The following NLGN1 variants were observed in gnomAD, a reference collection of about 807,000 sequenced individuals.
NLGN1 encodes the protein neuroligin 1.
Under a neutral mutation model 65.5 loss-of-function variants are expected in NLGN1, and 12 were observed. That is an observed-to-expected ratio of 0.18 (90% CI 0.12 to 0.30). NLGN1 has a LOEUF of 0.30. NLGN1 is among the 10% of genes least tolerant of loss of function. The pLI is 1.00. For synonymous variants in NLGN1, 350 were observed against 359.5 expected (o/e 0.97, Z 0.30); for missense variants, 750 against 1,007.1 (o/e 0.74, Z 3.46).
chr3:173,620,227 A>C (rs1231089161), intron 3 of NLGN1, among the ~76,000 whole-genome samples: 4 of 152,184 alleles, frequency 2.6e-5, no homozygotes, highest in Non-Finnish European at 4.4e-5. Flanking sequence ...GTGACAATGA[A>C]GGCCTTACCC....
intron 3 of NLGN1, among the ~76,000 whole-genome samples, chr3:173,635,422 T>C (rs2149561796): frequency 6.6e-6 from 1 of 152,298 alleles, no homozygotes; most frequent in East Asian, 1.9e-4. Context: ...AGTTGAGCCG[T>C]ATCTCTATTT....
chr3:173,964,857 G>A (rs1361807926), intron 4 of NLGN1, among the ~76,000 whole-genome samples: 2 of 152,110 alleles, frequency 1.3e-5, no homozygotes, highest in African/African-American at 2.4e-5. Context: ...TTTCAGGTAC[G>A]AGTACATGAG....
intron 2 of NLGN1, among the ~76,000 whole-genome samples, chr3:173,500,521 T>G (rs499174): frequency 0.17 from 26,095 of 151,926 alleles, 2,325 homozygotes; most frequent in South Asian, 0.22. Context: ...CTCTTTTTTT[T>G]GTGTGTCTGT....
At chr3:173,919,689 T>C (rs893024148) in intron 4 of NLGN1, among the ~76,000 whole-genome samples, 4 of 152,168 alleles carry the variant, frequency 2.6e-5, no homozygotes, top group Non-Finnish European at 5.9e-5. Flanking sequence ...ATAAAATATT[T>C]AAGGATTTCT....
chr3:174,012,053 G>A (rs986918625), intron 4 of NLGN1, among the ~76,000 whole-genome samples: 2 of 152,136 alleles, frequency 1.3e-5, no homozygotes, highest in African/African-American at 4.8e-5. Context: ...CTCCCAAGGA[G>A]CAGTCTAATG....
intron 4 of NLGN1, among the ~76,000 whole-genome samples, chr3:173,997,285 C>T (rs115498803): frequency 0.011 from 1,616 of 152,150 alleles, 27 homozygotes; most frequent in African/African-American, 0.035. Context: ...GTTCCCACCA[C>T]ACCCATTCTA....
chr3:173,438,406 G>A (rs1439554091), intron 2 of NLGN1, among the ~76,000 whole-genome samples: 1 of 152,034 alleles, frequency 6.6e-6, no homozygotes, highest in African/African-American at 2.4e-5. Flanking sequence ...GGAAAAAAAT[G>A]GCAGAAATGA....
intron 4 of NLGN1, among the ~76,000 whole-genome samples, chr3:173,865,442 T>G (rs551724042): frequency 6.6e-6 from 1 of 152,294 alleles, no homozygotes; most frequent in South Asian, 2.1e-4. Context: ...CAACATTGAT[T>G]GGACATAGTA....
intron 2 of NLGN1, among the ~76,000 whole-genome samples, chr3:173,438,740 A>T (rs536757): frequency 0.34 from 52,027 of 152,076 alleles, 11,930 homozygotes; most frequent in African/African-American, 0.66. Flanking sequence ...GGAATTAGAA[A>T]TATTCAGTAG....
rs1368588776 is a variant in NLGN1 at position 173,931,156 on chromosome 3, A to T, written c.646+123324A>T. On this transcript the variant is annotated intron_variant, in intron 4 of 6. Coordinates refer to ENST00000457714, the Ensembl canonical transcript of NLGN1. ...TAGAAACTCAGTCAATAAATTTTGA[A>T]TGAAAACCTATGATTTTCCAAGCAT... 2.6e-5 allele frequency among the ~76,000 whole-genome samples: 4 copies of T among 152,172 alleles called. No individual in the cohort carries two copies. In the East Asian group the frequency reaches 7.7e-4, roughly 29 times the overall value.
chr3:173,472,230 A>C (rs1329111389), intron 2 of NLGN1, among the ~76,000 whole-genome samples: 2 of 152,132 alleles, frequency 1.3e-5, no homozygotes, highest in African/African-American at 4.8e-5. Flanking sequence ...CAGTGGTAAT[A>C]TCTCTTAAAA....
At chr3:173,520,556 T>C (rs1324667076) in intron 2 of NLGN1, among the ~76,000 whole-genome samples, 3 of 152,140 alleles carry the variant, frequency 2.0e-5, no homozygotes, top group Non-Finnish European at 2.9e-5. Flanking sequence ...GAGTCAGAAA[T>C]ATATTCAACA....
At chr3:173,606,310 A>C (rs892191015) in intron 3 of NLGN1, among the ~76,000 whole-genome samples, 1 of 152,102 alleles carries the variant, frequency 6.6e-6, no homozygotes, top group Non-Finnish European at 1.5e-5. Flanking sequence ...AGCCAGATTG[A>C]GCAAATGTAG....
chr3:173,863,476 A>G (rs1374950397), intron 4 of NLGN1, among the ~76,000 whole-genome samples: 1 of 152,114 alleles, frequency 6.6e-6, no homozygotes, highest in Admixed American at 6.5e-5. Flanking sequence ...TATTACAACA[A>G]TTTTTTTAGT....
chr3:173,444,945 A>G (rs1420116655), intron 2 of NLGN1, among the ~76,000 whole-genome samples: 1 of 148,362 alleles, frequency 6.7e-6, no homozygotes, highest in Admixed American at 7.1e-5. Flanking sequence ...TCAGGAATGC[A>G]ATATGCAAGG....
At chr3:174,077,195 A>T (rs1741196839) in intron 4 of NLGN1, among the ~76,000 whole-genome samples, 1 of 152,190 alleles carries the variant, frequency 6.6e-6, no homozygotes, top group Non-Finnish European at 1.5e-5. Context: ...CAGGAAAAAA[A>T]AAAACCTATT....
intron 4 of NLGN1, among the ~76,000 whole-genome samples, chr3:174,101,667 T>C (rs1712513303): frequency 2.0e-5 from 3 of 152,216 alleles, no homozygotes. Context: ...CAAAAACGTG[T>C]CTTTGTCTTT....
chr3:174,058,627 C>T (rs1736701908), intron 4 of NLGN1, among the ~76,000 whole-genome samples: 3 of 152,124 alleles, frequency 2.0e-5, no homozygotes, highest in South Asian at 2.1e-4. Flanking sequence ...TATCATAAAT[C>T]AATTTTTCAT....
Position 174,110,486 on chromosome 3 carries a change from T to C in NLGN1, c.647-164829T>C, listed in dbSNP as rs117692003. On this transcript the variant is annotated intron_variant, in intron 4 of 6. Coordinates refer to ENST00000457714, the Ensembl canonical transcript of NLGN1. ...AACCAATAAGAAACAAATGATTTTA[T>C]TCCTTGCTATTTAACTCTTCAAGCA... Among the ~76,000 whole-genome samples, 948 of 152,106 alleles carry C rather than the reference T, an allele frequency of 6.2e-3. 26 individuals carry two copies. The highest frequency in any genetic ancestry group is 0.039 in the East Asian group (201 of 5,182).
Sources: gnomAD v4.1 joint callset for allele counts (sites outside exome capture counted in the v4.1 genomes callset) on GRCh38, gnomAD v4.1.1 for gene constraint, MANE v1.5 for transcripts, NCBI Gene and HGNC (gene_info 2026-07-23, HGNC 2026-07-21) for gene names.